The following C1orf21 variants were observed in gnomAD, a reference collection of about 807,000 sequenced individuals.
C1orf21 encodes uncharacterized protein C1orf21.
C1orf21 carries 3 observed loss-of-function variants against 18.7 expected under a neutral mutation model. The ratio of observed to expected loss-of-function variants is 0.16; its 90% CI spans 0.07 to 0.42. The LOEUF is 0.42. Ranked by LOEUF, C1orf21 falls within the 10% of genes least tolerant of loss-of-function variation. C1orf21 has a pLI of 0.99. For missense variants in C1orf21, 104 were observed against 143.6 expected (o/e 0.72, Z 1.41); for synonymous variants, 41 against 46.4 (o/e 0.88, Z 0.47).
rs3034486 is a variant in C1orf21 at position 184,587,524 on chromosome 1, TTGTGTGTGTGTGTGTGTGTGTG to T, written c.190-3191_190-3170del. 2.1e-5 allele frequency among the ~76,000 whole-genome samples: 3 copies of T among 139,632 alleles called. No homozygotes were observed. In the South Asian group the frequency reaches 7.3e-4, roughly 34 times the overall value. 91.6% of individuals were successfully genotyped at this position (139,632 alleles called of 152,430 possible). On this transcript the variant is annotated intron_variant, in intron 3 of 5. Coordinates refer to ENST00000235307, the MANE Select transcript of C1orf21 (RefSeq NM_030806.4). ...CCCTGCTTAGCTGTGTTCCTAGGAA[TTGTGTGTGTGTGTGTGTGTGTG>T]TGTGTGTGTGTGTGTGTGTGTGTAG...
intron 3 of C1orf21, among the ~76,000 whole-genome samples, chr1:184,524,939 C>T (rs769353844): frequency 4.6e-5 from 7 of 152,034 alleles, no homozygotes; most frequent in Admixed American, 4.6e-4. Flanking sequence ...TAGCTTACTT[C>T]TTAAAATATC....
chr1:184,562,576 C>T lies in C1orf21; in HGVS notation c.190-28163C>T, dbSNP rs1658982867. ...CATACGGGAGAAGCAATGTATGAAG[C>T]ATCGAGGGAATAATTAAGGCAACAT... On this transcript the variant is annotated intron_variant, in intron 3 of 5. Coordinates refer to ENST00000235307, the MANE Select transcript of C1orf21 (RefSeq NM_030806.4). 2.0e-5 allele frequency among the ~76,000 whole-genome samples: 3 copies of T among 152,206 alleles called. No individual in the cohort carries two copies. The South Asian group carries it at 6.2e-4, about 32-fold the overall frequency.
intron 3 of C1orf21, among the ~76,000 whole-genome samples, chr1:184,540,440 G>T (rs1039412442): frequency 6.9e-5 from 10 of 145,360 alleles, no homozygotes; most frequent in Middle Eastern, 3.6e-3. Context: ...TGTTTGTTTT[G>T]TTTTTTTTTT....
chr1:184,618,194 C>T (rs1465646989), intron 5 of C1orf21, among the ~76,000 whole-genome samples: 1 of 152,140 alleles, frequency 6.6e-6, no homozygotes, highest in Non-Finnish European at 1.5e-5. Context: ...CAGGCGTGAG[C>T]CACCGTGTCC....
chr1:184,499,723 C>A (rs779153001), intron 2 of C1orf21, among the ~76,000 whole-genome samples: 7 of 151,776 alleles, frequency 4.6e-5, no homozygotes, highest in Admixed American at 2.0e-4. Context: ...AGACTCAGAC[C>A]AACCAGGATT....
At chr1:184,595,709 G>A (rs541014456) in intron 4 of C1orf21, among the ~76,000 whole-genome samples, 6 of 152,216 alleles carry the variant, frequency 3.9e-5, no homozygotes, top group African/African-American at 1.4e-4. Flanking sequence ...TTGCTCCCCC[G>A]GCAATGTCTG....
At chr1:184,529,335 G>A (rs1255277216) in intron 3 of C1orf21, among the ~76,000 whole-genome samples, 3 of 152,130 alleles carry the variant, frequency 2.0e-5, no homozygotes, top group African/African-American at 7.2e-5. Context: ...TTTATGTCTG[G>A]TAGGGGAGAT....
intron 1 of C1orf21, among the ~76,000 whole-genome samples, chr1:184,388,349 C>G (rs976937825): frequency 2.6e-5 from 4 of 152,162 alleles, no homozygotes; most frequent in Non-Finnish European, 5.9e-5. Context: ...TTCTGAGAGA[C>G]GGCAAGCAGT....
chr1:184,441,592 T>TTCAA (rs1383791037), intron 1 of C1orf21, among the ~76,000 whole-genome samples: 2 of 152,210 alleles, frequency 1.3e-5, no homozygotes, highest in Non-Finnish European at 2.9e-5. Flanking sequence ...CATACATGAC[T>TTCAA]TCATTTAAGT....
At chr1:184,613,090 C>T (rs1659763523) in intron 5 of C1orf21, among the ~76,000 whole-genome samples, 2 of 152,136 alleles carry the variant, frequency 1.3e-5, no homozygotes, top group Non-Finnish European at 2.9e-5. Context: ...GCTGGGATTA[C>T]AGGCGCACGC....
At chr1:184,512,420 C>G (rs770372120) in intron 3 of C1orf21, among the ~76,000 whole-genome samples, 1 of 152,162 alleles carries the variant, frequency 6.6e-6, no homozygotes, top group Non-Finnish European at 1.5e-5. Flanking sequence ...TCTCTTGAGC[C>G]TCTTGACATC....
chr1:184,427,391 T>C (rs1656658891), intron 1 of C1orf21, among the ~76,000 whole-genome samples: 1 of 152,178 alleles, frequency 6.6e-6, no homozygotes, highest in African/African-American at 2.4e-5. Flanking sequence ...CCCTAAAGAT[T>C]TCTCAGAGAG....
chr1:184,388,883 G>A (rs1050296212), intron 1 of C1orf21, among the ~76,000 whole-genome samples: 8 of 152,132 alleles, frequency 5.3e-5, no homozygotes, highest in African/African-American at 1.9e-4. Context: ...TCAAGATGCT[G>A]AATTTGGAGT....
At position 184,457,316 on chromosome 1, in the gene C1orf21, G is replaced by A. The variant is rs148484777; in HGVS notation, c.-124-20070G>A. Among the ~76,000 whole-genome samples, 169 of 152,282 alleles carry A rather than the reference G, an allele frequency of 1.1e-3. 1 individual carries two copies. The highest frequency in any genetic ancestry group is 3.7e-3 in the African/African-American group (154 of 41,558). ...CTGGTTACCTGCTTTCAAGGGGTTT[G>A]TGTTCTCCTGATGCGTAGACTAACG... On this transcript the variant is annotated intron_variant, in intron 1 of 5. Coordinates refer to ENST00000235307, the MANE Select transcript of C1orf21 (RefSeq NM_030806.4).
chr1:184,406,740 G>C (rs996084303), intron 1 of C1orf21, among the ~76,000 whole-genome samples: 6 of 152,100 alleles, frequency 3.9e-5, no homozygotes, highest in African/African-American at 1.4e-4. Flanking sequence ...AATTTGAATG[G>C]GTTTGTCACA....
intron 5 of C1orf21, among the ~76,000 whole-genome samples, chr1:184,605,407 G>C (rs1437696827): frequency 6.6e-6 from 1 of 152,196 alleles, no homozygotes; most frequent in South Asian, 2.1e-4. Flanking sequence ...CTAGCACAGG[G>C]CTTGGGACAA....
chr1:184,475,179 G>A (rs1240596101), intron 1 of C1orf21, among the ~76,000 whole-genome samples: 1 of 152,084 alleles, frequency 6.6e-6, no homozygotes, highest in Non-Finnish European at 1.5e-5. Flanking sequence ...TTGACAGAAT[G>A]GACCTCTCCA....
At chr1:184,613,996 G>A (rs888004937) in intron 5 of C1orf21, among the ~76,000 whole-genome samples, 3 of 152,158 alleles carry the variant, frequency 2.0e-5, no homozygotes, top group Non-Finnish European at 2.9e-5. Context: ...GGCAGAGCAA[G>A]ACTCTCTCTG....
chr1:184,450,713 A>C (rs1456774387), intron 1 of C1orf21, among the ~76,000 whole-genome samples: 1 of 152,194 alleles, frequency 6.6e-6, no homozygotes, highest in Non-Finnish European at 1.5e-5. Context: ...ACTTAATTAA[A>C]TTTATGTGGC....
Sources: allele counts gnomAD v4.1 joint callset (sites outside exome capture counted in the v4.1 genomes callset), GRCh38; gene constraint gnomAD v4.1.1; transcripts MANE v1.5; gene names NCBI Gene and HGNC (gene_info 2026-07-23, HGNC 2026-07-21).